The following TMEM178B variants were observed in gnomAD, a reference collection of about 807,000 sequenced individuals.
The protein encoded by TMEM178B is transmembrane protein 178B.
A neutral mutation model predicts 31.0 loss-of-function variants in TMEM178B; 5 were observed. The ratio of observed to expected loss-of-function variants is 0.16; its 90% confidence interval spans 0.08 to 0.34. TMEM178B has a LOEUF of 0.34. TMEM178B is among the 10% of genes least tolerant of loss of function. TMEM178B has a pLI of 1.00. For synonymous variants in TMEM178B, 164 were observed against 164.0 expected, an observed-to-expected ratio of 1.00 and a Z score of 0.00; for missense variants, 275 against 400.3, an observed-to-expected ratio of 0.69 and a Z score of 2.67.
At chr7:141,142,415 T>C (rs1273035494) in intron 1 of TMEM178B, among the ~76,000 whole-genome samples, 2 of 147,820 alleles carry the variant, frequency 1.4e-5, no homozygotes, top group Non-Finnish European at 3.0e-5. Flanking sequence ...TTCTTTCTTT[T>C]TTTTTTTTTT....
At chr7:141,178,748 C>G (rs950883650) in intron 1 of TMEM178B, among the ~76,000 whole-genome samples, 1 of 152,170 alleles carries the variant, frequency 6.6e-6, no homozygotes, top group Non-Finnish European at 1.5e-5. Flanking sequence ...TCTCCTGAGT[C>G]CTACTTTGAC....
intron 1 of TMEM178B, among the ~76,000 whole-genome samples, chr7:141,209,414 A>G (rs1047178130): frequency 3.3e-5 from 5 of 152,256 alleles, no homozygotes; most frequent in African/African-American, 1.2e-4. Flanking sequence ...TTAATTCATT[A>G]GATTCTAATT....
At chr7:141,252,286 A>T (rs1444434415) in intron 2 of TMEM178B, among the ~76,000 whole-genome samples, 1 of 152,176 alleles carries the variant, frequency 6.6e-6, no homozygotes, top group African/African-American at 2.4e-5. Context: ...AATGGTGAGG[A>T]CTGGACAGGG....
intron 2 of TMEM178B, among the ~76,000 whole-genome samples, chr7:141,400,807 A>G (rs768760566): frequency 2.0e-5 from 3 of 152,160 alleles, no homozygotes; most frequent in Non-Finnish European, 4.4e-5. Flanking sequence ...AAGTACAGGG[A>G]GTCACTGGTG....
At chr7:141,259,915 G>C (rs1401386207) in intron 2 of TMEM178B, among the ~76,000 whole-genome samples, 2 of 152,104 alleles carry the variant, frequency 1.3e-5, no homozygotes, top group Admixed American at 1.3e-4. Context: ...TCCTCTGTCT[G>C]TGCACAATGC....
intron 1 of TMEM178B, among the ~76,000 whole-genome samples, chr7:141,075,606 A>G (rs557633332): frequency 6.6e-6 from 1 of 152,290 alleles, no homozygotes; most frequent in Admixed American, 6.5e-5. Context: ...ATATTGTTTG[A>G]ATGTGTATTA....
In TMEM178B at chr7:141,470,750, C is replaced by T. The variant is rs1161078884; in HGVS notation, c.849C>T (p.Tyr283=). 1.0e-5 allele frequency: 16 copies of T among 1,529,384 alleles called. No homozygotes were observed. Among genetic ancestry groups the T allele is most frequent in the Non-Finnish European group, 1.4e-5 (16 of 1,143,902 alleles). 94.7% of individuals were successfully genotyped at this position (1,529,384 alleles called of 1,614,324 possible). ...PSVQPVPRTN[Y]PKSRPENGTV... is the part of the protein sequence containing the mutation. ...TTCAACCTGTCCCGAGGACCAACTA[C>T]CCTAAATCCAGACCCGAGAATGGGA... Residue 283 remains tyrosine (Y), a synonymous_variant, in exon 4 of 4, where the codon TAC becomes TAT. Transcript: ENST00000565468.
chr7:141,437,507 G>A (rs962146841), intron 2 of TMEM178B, 101 bp from the exon 3 acceptor site: 2 of 1,457,050 alleles, frequency 1.4e-6, no homozygotes, highest in Admixed American at 2.2e-5. Context: ...TCCTGCTCCT[G>A]GAGGGCCACT....
the TMEM178B span, among the ~76,000 whole-genome samples, chr7:141,495,646 G>A: frequency 6.6e-6 from 1 of 152,116 alleles, no homozygotes; most frequent in Non-Finnish European, 1.5e-5. Flanking sequence ...AGCATTGTTT[G>A]CTATAGCAAA....
intron 2 of TMEM178B, among the ~76,000 whole-genome samples, chr7:141,229,377 A>C (rs1319383570): frequency 1.3e-5 from 2 of 151,982 alleles, no homozygotes; most frequent in African/African-American, 2.4e-5. Context: ...CATCCTCTGA[A>C]TCCTGTAAGT....
chr7:141,330,047 A>G (rs1563153291), intron 2 of TMEM178B, among the ~76,000 whole-genome samples: 1 of 152,070 alleles, frequency 6.6e-6, no homozygotes, highest in Non-Finnish European at 1.5e-5. Context: ...GAGAAATTTA[A>G]TCTTCACCCT....
At chr7:141,146,248 AC>A (rs989766708) in intron 1 of TMEM178B, among the ~76,000 whole-genome samples, 2 of 152,096 alleles carry the variant, frequency 1.3e-5, no homozygotes, top group African/African-American at 4.8e-5. Context: ...AGTCCACTTG[AC>A]TTTAAGGCTG....
intron 2 of TMEM178B, among the ~76,000 whole-genome samples, chr7:141,432,146 C>T (rs1220578292): frequency 2.1e-4 from 17 of 79,076 alleles, no homozygotes; most frequent in African/African-American, 2.5e-4. Flanking sequence ...TTCACTGCAT[C>T]TTTTTTTTTT....
chr7:141,191,189 C>A (rs1796690189), intron 1 of TMEM178B, among the ~76,000 whole-genome samples: 1 of 152,284 alleles, frequency 6.6e-6, no homozygotes, highest in East Asian at 1.9e-4. Flanking sequence ...ATATCAGTTT[C>A]TAAAGCGTCT....
intron 2 of TMEM178B, among the ~76,000 whole-genome samples, chr7:141,355,577 G>A (rs1484342353): frequency 1.3e-5 from 2 of 152,224 alleles, no homozygotes; most frequent in South Asian, 2.1e-4. Flanking sequence ...GGCATTCAAT[G>A]CAGATGGGCA....
chr7:141,176,330 C>A (rs1796433885), intron 1 of TMEM178B, among the ~76,000 whole-genome samples: 1 of 152,180 alleles, frequency 6.6e-6, no homozygotes, highest in Admixed American at 6.5e-5. Flanking sequence ...GGTGGATAAG[C>A]TTTCTGATGT....
At chr7:141,145,721 A>G (rs1305584783) in intron 1 of TMEM178B, among the ~76,000 whole-genome samples, 1 of 152,208 alleles carries the variant, frequency 6.6e-6, no homozygotes, top group Non-Finnish European at 1.5e-5. Context: ...AGATAGTTTT[A>G]GGCCCCCTTA....
At chr7:141,271,816 T>C (rs1798190634) in intron 2 of TMEM178B, among the ~76,000 whole-genome samples, 2 of 152,218 alleles carry the variant, frequency 1.3e-5, no homozygotes, top group Admixed American at 1.3e-4. Flanking sequence ...ATGACAATCC[T>C]GTGAGGCAGG....
Position 141,447,318 on chromosome 7 carries a change from G to A in TMEM178B, c.634+9573G>A, listed in dbSNP as rs566272611. On this transcript the variant is annotated intron_variant, in intron 3 of 3. Coordinates refer to ENST00000565468, the MANE Select transcript of TMEM178B (RefSeq NM_001195278.2). ...GATGTTTGAACAGGGCTTGAATGTA[G>A]GGGGCAGGAAGCCATAAGAAGACTT... 2.3e-3 allele frequency among the ~76,000 whole-genome samples: 355 copies of A among 152,156 alleles called. 2 individuals carry two copies. Among genetic ancestry groups the A allele is most frequent in the Non-Finnish European group, 3.1e-3 (212 of 67,984 alleles).
Sources: gnomAD v4.1 joint callset for allele counts (sites outside exome capture counted in the v4.1 genomes callset) on GRCh38, gnomAD v4.1.1 for gene constraint, MANE v1.5 for transcripts, NCBI Gene and HGNC (gene_info 2026-07-23, HGNC 2026-07-21) for gene names.